Variants in ADGRE3 observed in about 807,000 individuals in gnomAD.
ADGRE3 encodes EGF-like module receptor 3.
ADGRE3 carries 88 observed loss-of-function variants against 80.1 expected under a neutral mutation model. The ratio of observed to expected loss-of-function variants is 1.10; its 90% CI spans 0.93 to 1.31. The LOEUF is 1.31. ADGRE3 is among the 40% of genes most tolerant of loss of function. The pLI is 0.00. For missense variants in ADGRE3, 715 were observed against 776.5 expected (o/e 0.92, Z 0.94); for synonymous variants, 281 against 294.8 (o/e 0.95, Z 0.48).
intron 14 of ADGRE3, among the ~76,000 whole-genome samples, chr19:14,629,204 G>A (rs764773338): frequency 4.6e-5 from 7 of 152,190 alleles, no homozygotes; most frequent in East Asian, 1.9e-4. Flanking sequence ...GATTACAGGC[G>A]TGAGCCACTG....
rs533125607 is a variant in ADGRE3, at chr19:14,655,780, G to A, written c.394-615C>T. 3.3e-5 allele frequency among the ~76,000 whole-genome samples: 5 copies of A among 152,024 alleles called. No individual in the cohort carries two copies. In the South Asian group the frequency reaches 6.2e-4, roughly 19 times the overall value. ...CCTGATTGGGTTAGTTATTATTAAC[G>A]TTTTTTGCCAACAAGGTAGTGATAA... is the stretch of plus-strand genomic sequence containing the variant. On this transcript the variant is annotated intron_variant, in intron 5 of 15. Coordinates refer to ENST00000253673, the MANE Select transcript of ADGRE3 (RefSeq NM_032571.5).
chr19:14,617,349 T>TCTTTCTTTCTTC (rs2075084536), downstream of ADGRE3, among the ~76,000 whole-genome samples: 3 of 61,818 alleles, frequency 4.9e-5, no homozygotes, highest in Non-Finnish European at 1.1e-4. Flanking sequence ...TCCCTTTCTT[T>TCTTTCTTTCTTC]CTTTCTTTCT....
rs1377207328 is a variant in ADGRE3, at chr19:14,638,175, A to G, written c.1414T>C (p.Tyr472His). The G allele has an allele frequency of 6.2e-7, 1 of 1,614,124 alleles. No homozygotes were observed. Among genetic ancestry groups the G allele is most frequent in the East Asian group, 2.2e-5 (1 of 44,868 alleles). ...LMKWIMFPVG[Y>H]GVPAVTVAIS... Reference sequence around the variant, plus strand: ...GCCACAGTCACAGCGGGAACGCCATAGCCGACTGGGAACATGATCCACTTC... The same window carrying G: ...GCCACAGTCACAGCGGGAACGCCATGGCCGACTGGGAACATGATCCACTTC... Residue 472 changes from tyrosine to histidine, a missense_variant, in exon 11 of 16, where the codon TAT becomes CAT. Transcript: ENST00000253673.
intron 1 of ADGRE3, among the ~76,000 whole-genome samples, chr19:14,670,468 T>C (rs1474808441): frequency 3.9e-5 from 6 of 152,226 alleles, no homozygotes. Flanking sequence ...TTCCTCCTTA[T>C]GAGAGACCAG....
intron 15 of ADGRE3, among the ~76,000 whole-genome samples, chr19:14,620,555 T>TA (rs1166265778): frequency 0.025 from 717 of 28,990 alleles, 117 homozygotes; most frequent in Non-Finnish European, 0.035. Flanking sequence ...ATATTATATA[T>TA]ATATATATAT....
At chr19:14,651,434 AT>A (rs1456138867) in intron 6 of ADGRE3, among the ~76,000 whole-genome samples, 2 of 152,184 alleles carry the variant, frequency 1.3e-5, no homozygotes, top group African/African-American at 4.8e-5. Flanking sequence ...AATGTCTAGG[AT>A]GTGTCGGGCA....
At chr19:14,608,981 G>T in the ADGRE3 span, among the ~76,000 whole-genome samples, 7 of 151,888 alleles carry the variant, frequency 4.6e-5, no homozygotes, top group African/African-American at 7.3e-5. Flanking sequence ...TGTAGTTTTA[G>T]TAGAGACGGG....
At chr19:14,669,220 A>G (rs1488146926) in intron 1 of ADGRE3, among the ~76,000 whole-genome samples, 2 of 152,228 alleles carry the variant, frequency 1.3e-5, no homozygotes, top group Non-Finnish European at 2.9e-5. Flanking sequence ...ACCATGGAAT[A>G]CTATGCAGCC....
Position 14,641,669 on chromosome 19 carries a change from G to C in ADGRE3, c.1051-53C>G, listed in dbSNP as rs28680873. The C allele has an allele frequency of 0.012, 18,442 of 1,590,160 alleles. 1,783 individuals carry two copies. The African/African-American group carries it at 0.21, about 18-fold the overall frequency. ...GATGCTTTCCTGCACTGGGATTATGGCTCCCTCCTTGAACTGGGGCATCCT... is the reference window on the plus strand; with the variant it reads ...GATGCTTTCCTGCACTGGGATTATGCCTCCCTCCTTGAACTGGGGCATCCT... On this transcript the variant is annotated intron_variant, in intron 9 of 15. Transcript: ENST00000253673.
intron 4 of ADGRE3, among the ~76,000 whole-genome samples, chr19:14,659,504 T>C (rs1236139396): frequency 6.6e-6 from 1 of 152,044 alleles, no homozygotes; most frequent in Non-Finnish European, 1.5e-5. Flanking sequence ...GACTTTTGTG[T>C]TGGTTTCTGT....
intron 2 of ADGRE3, among the ~76,000 whole-genome samples, chr19:14,663,844 A>G (rs1278831600): frequency 6.6e-6 from 1 of 152,092 alleles, no homozygotes; most frequent in Non-Finnish European, 1.5e-5. Flanking sequence ...ATTTCAAAAC[A>G]AATATATATA....
At position 14,668,834 on chromosome 19, in the gene ADGRE3, C is replaced by A. The variant is rs1209335863; in HGVS notation, c.44G>T (p.Ser15Ile). 6.2e-7 allele frequency: 1 copy of A among 1,614,038 alleles called. No homozygotes were observed. Among genetic ancestry groups the A allele is most frequent in the South Asian group, 1.1e-5 (1 of 91,072 alleles). The change falls in exon 2 of 16, where the codon AGC becomes ATC. Residue 15 changes from serine to isoleucine, a missense_variant. Physicochemically the swap from Ser to Ile is moderately radical, Grantham distance 142. Transcript: ENST00000253673. ...TTTCTGAGTCACAGCTCCAAAGAGGCTCAGCAGAAAGCAGAGGCCTGGAAT... is the reference window on the plus strand; with the variant it reads ...TTTCTGAGTCACAGCTCCAAAGAGGATCAGCAGAAAGCAGAGGCCTGGAAT... ...LLLPGLCFLL[S>I]LFGAVTQKTK...
At chr19:14,638,449 G>A (rs1298275262) in intron 10 of ADGRE3, 109 bp from the exon 11 acceptor site, 3 of 722,520 alleles carry the variant, frequency 4.2e-6, no homozygotes, top group South Asian at 1.8e-5. Context: ...TCAGACCAAG[G>A]GCACTAAAAG....
At position 14,626,951 on chromosome 19, in the gene ADGRE3, C is replaced by A. The variant is rs191425428; in HGVS notation, c.1813-1352G>T. 1.1e-3 allele frequency among the ~76,000 whole-genome samples: 171 copies of A among 152,316 alleles called. 1 individual carries two copies. Among genetic ancestry groups the A allele is most frequent in the Non-Finnish European group, 1.8e-3 (125 of 68,022 alleles). ...GGCGTGTCCTGTGGGCAGTACGAAG[C>A]CTTCAGGCACAGTCATGGGTGTTTG... On this transcript the variant is annotated intron_variant, in intron 14 of 15. Transcript: ENST00000253673.
intron 4 of ADGRE3, among the ~76,000 whole-genome samples, chr19:14,660,091 T>C (rs1971902553): frequency 6.6e-6 from 1 of 152,156 alleles, no homozygotes; most frequent in Non-Finnish European, 1.5e-5. Flanking sequence ...GAACCAAAGC[T>C]GCACACTTTA....
chr19:14,661,923 C>T (rs1309179239), intron 4 of ADGRE3, 40 bp downstream of exon 4: 1 of 1,601,028 alleles, frequency 6.2e-7, no homozygotes, highest in Non-Finnish European at 8.6e-7. Flanking sequence ...AAAAAAACAA[C>T]AACAGAGGAA....
chr19:14,655,189 A>G, intron 5 of ADGRE3, 24 bp from the exon 6 acceptor site: 2 of 1,590,018 alleles, frequency 1.3e-6, no homozygotes, highest in African/African-American at 1.4e-5. Context: ...AAGAATTTTC[A>G]TTTTTTAAAA....
chr19:14,610,058 A>G, the ADGRE3 span: 2 of 1,612,202 alleles, frequency 1.2e-6, no homozygotes, highest in Admixed American at 3.3e-5. Context: ...TTTTTCCTCC[A>G]TCCAGCTTCT....
rs116467610 is a variant in ADGRE3, at chr19:14,632,543, C to T, written c.1643+378G>A. The stretch of plus-strand genomic sequence containing the variant: ...GCAACTGCAACTCCTATATTACCTC[C>T]TTCCCATGGATGGGATATTGACAAG... On this transcript the variant is annotated intron_variant, in intron 13 of 15. Transcript: ENST00000253673. 3.3e-3 allele frequency among the ~76,000 whole-genome samples: 500 copies of T among 152,232 alleles called. 1 individual carries two copies. Among genetic ancestry groups the T allele is most frequent in the African/African-American group, 0.012 (490 of 41,528 alleles).
Sources: gnomAD v4.1 joint callset for allele counts (sites outside exome capture counted in the v4.1 genomes callset) on GRCh38, gnomAD v4.1.1 for gene constraint, MANE v1.5 for transcripts, NCBI Gene and HGNC (gene_info 2026-07-23, HGNC 2026-07-21) for gene names.